Variants in COL5A1 observed in about 807,000 individuals in gnomAD.
The protein encoded by COL5A1 is collagen alpha-1(V) chain.
Under a neutral mutation model 263.7 loss-of-function variants are expected in COL5A1, and 16 were observed. The observed-to-expected ratio is 0.06, with a 90% CI of 0.04 to 0.09. The LOEUF (loss-of-function observed/expected upper bound fraction) is 0.09, where lower values mean the gene tolerates loss of function less well. Among genes scored for constraint, COL5A1 ranks in the 10% least tolerant of loss-of-function variants. The pLI is 1.00. For synonymous variants in COL5A1, 1,012 were observed against 1,004.5 expected (o/e 1.01, Z -0.14); for missense variants, 2,036 against 2,540.5 (o/e 0.80, Z 4.27).
intron 46 of COL5A1, 115 bp downstream of exon 46, chr9:134,811,714 G>GA: frequency 1.1e-6 from 1 of 888,730 alleles, no homozygotes; most frequent in Non-Finnish European, 1.8e-6. Context: ...CAGGCTGCAG[G>GA]GGGCCTCCTG....
intron 61 of COL5A1, among the ~76,000 whole-genome samples, chr9:134,824,365 A>G (rs990557479): frequency 1.3e-5 from 2 of 152,198 alleles, no homozygotes; most frequent in African/African-American, 4.8e-5. Flanking sequence ...CTCTAGAGAG[A>G]AAGGAGAGGT....
intron 25 of COL5A1, 148 bp from the exon 26 acceptor site, chr9:134,772,642 A>G: frequency 3.3e-6 from 3 of 911,070 alleles, no homozygotes; most frequent in Non-Finnish European, 5.5e-6. Flanking sequence ...CTGCCTGGCC[A>G]GCTGCCTTCG....
intron 4 of COL5A1, among the ~76,000 whole-genome samples, chr9:134,717,128 T>C (rs974958134): frequency 2.0e-5 from 3 of 152,080 alleles, no homozygotes; most frequent in Non-Finnish European, 4.4e-5. Context: ...CCCTGGCAGC[T>C]GGAATGGGGG....
At chr9:134,685,602 TCCATCATCCATCCATCCAC>T (rs1304096357) in intron 1 of COL5A1, among the ~76,000 whole-genome samples, 2 of 71,674 alleles carry the variant, frequency 2.8e-5, no homozygotes, top group Non-Finnish European at 6.4e-5. Flanking sequence ...CATCCATCCA[TCCATCATCCATCCATCCAC>T]CATCCATCCA....
intron 53 of COL5A1, 90 bp from the exon 54 acceptor site, chr9:134,817,688 C>T (rs998904213): frequency 8.3e-7 from 1 of 1,205,040 alleles, no homozygotes; most frequent in Non-Finnish European, 1.2e-6. Context: ...GCAGGCCACA[C>T]ACACACACAC....
chr9:134,775,422 C>T (rs778575186), intron 27 of COL5A1, among the ~76,000 whole-genome samples: 15 of 152,264 alleles, frequency 9.9e-5, no homozygotes, highest in Non-Finnish European at 1.9e-4. Context: ...AGGCGGAGTT[C>T]ATGGGAGCTG....
At position 134,818,921 on chromosome 9, in the gene COL5A1, G is replaced by C; in HGVS notation, c.4392+20G>C. 6.2e-7 allele frequency: 1 copy of C among 1,613,246 alleles called. No homozygotes were observed. Among genetic ancestry groups the C allele is most frequent in the Non-Finnish European group, 8.5e-7 (1 of 1,179,846 alleles). ...CCCATGGTGAGTCACATTCCTCATG[G>C]TGAGCATAGCGGGTGGGATGACTTC... On this transcript the variant is annotated intron_variant, in intron 56 of 65. Coordinates refer to ENST00000371817, the MANE Select transcript of COL5A1 (RefSeq NM_000093.5). This position sits in a 1 kb window ranked among gnomAD's most constrained non-coding sequence, Gnocchi z 6.0.
chr9:134,657,361 G>A (rs1439747860), intron 1 of COL5A1, among the ~76,000 whole-genome samples: 1 of 81,668 alleles, frequency 1.2e-5, no homozygotes, highest in East Asian at 4.2e-4. Flanking sequence ...GGGGTAGGGG[G>A]TGAAGTTTAT....
At chr9:134,782,341 A>G (rs1837288284) in intron 28 of COL5A1, among the ~76,000 whole-genome samples, 1 of 152,194 alleles carries the variant, frequency 6.6e-6, no homozygotes, top group Non-Finnish European at 1.5e-5. Flanking sequence ...GGGACGCCAC[A>G]GAGTGCACTG....
intron 38 of COL5A1, among the ~76,000 whole-genome samples, 166 bp downstream of exon 38, chr9:134,802,173 G>T (rs553963694): frequency 2.0e-5 from 3 of 152,324 alleles, no homozygotes; most frequent in Admixed American, 1.3e-4. Flanking sequence ...CTCGCCCCAC[G>T]CAGGAGCAAG....
intron 1 of COL5A1, among the ~76,000 whole-genome samples, chr9:134,690,142 C>T (rs949659868): frequency 4.6e-5 from 7 of 152,112 alleles, no homozygotes; most frequent in Non-Finnish European, 1.0e-4. Flanking sequence ...CCTGAGAGCC[C>T]CTGGATAGAG....
chr9:134,655,504 A>G (rs1286440428), intron 1 of COL5A1, among the ~76,000 whole-genome samples: 1 of 152,068 alleles, frequency 6.6e-6, no homozygotes, highest in Admixed American at 6.5e-5. Flanking sequence ...CCATCTGTCA[A>G]GTGGGCATGA....
intron 63 of COL5A1, among the ~76,000 whole-genome samples, chr9:134,828,423 C>T (rs1368324997): frequency 6.7e-6 from 1 of 148,316 alleles, no homozygotes; most frequent in African/African-American, 2.5e-5. Context: ...TCTCAGTCCC[C>T]AGGAAGGTTC....
Position 134,802,882 on chromosome 9 carries a change from C to T in COL5A1, c.3007-6C>T, listed in dbSNP as rs373627420. 6 of 1,608,676 alleles carry T rather than the reference C, an allele frequency of 3.7e-6. No homozygotes were observed. In the African/African-American group the frequency reaches 8.0e-5, roughly 21 times the overall value. On this transcript the variant is annotated splice_polypyrimidine_tract_variant and splice_region_variant and intron_variant, in intron 38 of 65. Transcript: ENST00000371817. Reference sequence around the variant, plus strand: ...CGTCTGTGGCTGACACTGATTTTCCCCACAGGGTCCCACGGGAGAAACGGG... The same window carrying T: ...CGTCTGTGGCTGACACTGATTTTCCTCACAGGGTCCCACGGGAGAAACGGG...
At chr9:134,813,900 G>A in intron 48 of COL5A1, 83 bp from the exon 49 acceptor site, 1 of 1,481,400 alleles carries the variant, frequency 6.8e-7, no homozygotes, top group Non-Finnish European at 9.2e-7. Flanking sequence ...ACAGCAGGCA[G>A]GATTTGGCAA....
intron 1 of COL5A1, among the ~76,000 whole-genome samples, chr9:134,653,990 C>T (rs993184886): frequency 2.3e-5 from 3 of 130,234 alleles, no homozygotes; most frequent in African/African-American, 9.1e-5. Flanking sequence ...GTGTATAGGG[C>T]TGGTGTGTGT....
chr9:134,806,342 G>A (rs780906270), intron 42 of COL5A1, 46 bp downstream of exon 42: 9 of 1,394,360 alleles, frequency 6.5e-6, no homozygotes, highest in Non-Finnish European at 7.9e-6. Flanking sequence ...CAGAGATGCT[G>A]GGGTCGTTCC....
chr9:134,802,879 T>TC lies in COL5A1; in HGVS notation c.3007-5dup. 1.2e-6 allele frequency: 2 copies of TC among 1,605,634 alleles called. No homozygotes were observed. Among genetic ancestry groups the TC allele is most frequent in the Non-Finnish European group, 8.5e-7 (1 of 1,174,038 alleles). On this transcript the variant is annotated splice_polypyrimidine_tract_variant and intron_variant, in intron 38 of 65. Transcript: ENST00000371817. ...AAACGTCTGTGGCTGACACTGATTT[T>TC]CCCCACAGGGTCCCACGGGAGAAAC...
rs61237294 is a variant in COL5A1, at chr9:134,827,195, G to A, written c.5067+1291G>A. Among the ~76,000 whole-genome samples the A allele has an allele frequency of 4.4e-3, 677 of 152,330 alleles. 6 individuals are homozygous for A. Among genetic ancestry groups the A allele is most frequent in the African/African-American group, 0.015 (629 of 41,574 alleles). ...CTCAGTGCCCCAGAAGCAGTTTCCT[G>A]CCAGGGGAAGAGCAGCTACGTTCTC... On this transcript the variant is annotated intron_variant, in intron 63 of 65. Transcript: ENST00000371817.
Sources: allele counts gnomAD v4.1 joint callset (sites outside exome capture counted in the v4.1 genomes callset), GRCh38; gene constraint gnomAD v4.1.1; non-coding constraint Gnocchi (gnomAD v3.1); transcripts MANE v1.5; gene names NCBI Gene and HGNC (gene_info 2026-07-23, HGNC 2026-07-21).